SLC9A9: variants seen among roughly 807,000 people sequenced by gnomAD.
The protein encoded by SLC9A9 is solute carrier family 9 member A9, also known as sodium/hydrogen exchanger 9.
A neutral mutation model predicts 77.8 loss-of-function variants in SLC9A9; 62 were observed. The ratio of observed to expected loss-of-function variants is 0.80; its 90% CI spans 0.65 to 0.98. The LOEUF (loss-of-function observed/expected upper bound fraction) is 0.98, where lower values mean the gene tolerates loss of function less well. SLC9A9 is among the 50% of genes least tolerant of loss of function. The probability of loss-of-function intolerance (pLI) is 0.00; values close to 1 mark genes in which losing one functional copy is unlikely to be tolerated. For missense variants in SLC9A9, 775 were observed against 774.9 expected (o/e 1.00, Z 0.00); for synonymous variants, 320 against 283.5 (o/e 1.13, Z -1.29).
At chr3:143,739,132 G>A (rs1045315018) in intron 4 of SLC9A9, among the ~76,000 whole-genome samples, 2 of 152,064 alleles carry the variant, frequency 1.3e-5, no homozygotes, top group Non-Finnish European at 2.9e-5. Flanking sequence ...TCATGCCTTT[G>A]TCTTTCTGAA....
At position 143,828,298 on chromosome 3, in the gene SLC9A9, G is replaced by T. The variant is rs138292635; in HGVS notation, c.378+3721C>A. ...ACTGTATGTTTCTCTAGCCATATGT[G>T]CTCTGCCAAGATCTCAGACTCATCA... On this transcript the variant is annotated intron_variant, in intron 2 of 15. Coordinates refer to ENST00000316549, the MANE Select transcript of SLC9A9 (RefSeq NM_173653.4). Among the ~76,000 whole-genome samples, 4 of 152,168 alleles carry T rather than the reference G, an allele frequency of 2.6e-5. No homozygotes were observed. In the East Asian group the frequency reaches 7.7e-4, roughly 29 times the overall value.
chr3:143,710,918 C>T (rs115702375), intron 4 of SLC9A9, among the ~76,000 whole-genome samples: 1,554 of 152,294 alleles, frequency 0.01, 32 homozygotes, highest in African/African-American at 0.036. Context: ...ATGCAACTCT[C>T]TGGATTTTCC....
chr3:143,694,962 C>T (rs980950447), intron 4 of SLC9A9, among the ~76,000 whole-genome samples: 1 of 152,010 alleles, frequency 6.6e-6, no homozygotes. Flanking sequence ...GAAGGGGAGG[C>T]TGAATCTTAA....
intron 14 of SLC9A9, among the ~76,000 whole-genome samples, chr3:143,278,480 T>A (rs181742265): frequency 6.6e-6 from 1 of 152,326 alleles, no homozygotes; most frequent in Non-Finnish European, 1.5e-5. Flanking sequence ...ACAAACTGAG[T>A]GACTTAAAAC....
chr3:143,319,105 A>G (rs1454857312), intron 14 of SLC9A9, among the ~76,000 whole-genome samples: 1 of 152,250 alleles, frequency 6.6e-6, no homozygotes, highest in Non-Finnish European at 1.5e-5. Context: ...AGTGGCAGCT[A>G]ATACAATAAA....
intron 2 of SLC9A9, among the ~76,000 whole-genome samples, chr3:143,798,031 G>A (rs1007071764): frequency 1.6e-4 from 24 of 152,080 alleles, no homozygotes; most frequent in Non-Finnish European, 2.4e-4. Flanking sequence ...ATCCACCTAC[G>A]ACCTCTGGTC....
chr3:143,566,844 A>G (rs1408332110), intron 8 of SLC9A9, among the ~76,000 whole-genome samples: 2 of 152,110 alleles, frequency 1.3e-5, no homozygotes, highest in Non-Finnish European at 2.9e-5. Context: ...GCTTCTGGCG[A>G]AAACCTGACC....
intron 11 of SLC9A9, among the ~76,000 whole-genome samples, chr3:143,469,698 G>C (rs938955931): frequency 2.0e-5 from 3 of 152,280 alleles, no homozygotes; most frequent in South Asian, 2.1e-4. Context: ...CGACTAGAGA[G>C]ACTTAATATG....
chr3:143,728,003 T>TTTC (rs1312490016), intron 4 of SLC9A9, among the ~76,000 whole-genome samples: 2 of 152,260 alleles, frequency 1.3e-5, no homozygotes, highest in Non-Finnish European at 2.9e-5. Context: ...CAGATTTTTA[T>TTTC]TTCTTCTTTA....
intron 6 of SLC9A9, among the ~76,000 whole-genome samples, chr3:143,622,468 G>C (rs1164159721): frequency 6.6e-6 from 1 of 152,134 alleles, no homozygotes; most frequent in Non-Finnish European, 1.5e-5. Flanking sequence ...ATTCAACATT[G>C]TTAAGGAAAA....
intron 9 of SLC9A9, among the ~76,000 whole-genome samples, chr3:143,512,521 T>A: frequency 6.6e-6 from 1 of 152,214 alleles, no homozygotes; most frequent in East Asian, 1.9e-4. Flanking sequence ...TCACAGTGTA[T>A]ATAAAAGTTA....
intron 9 of SLC9A9, among the ~76,000 whole-genome samples, chr3:143,522,403 T>C (rs1259422557): frequency 6.6e-6 from 1 of 152,156 alleles, no homozygotes; most frequent in Non-Finnish European, 1.5e-5. Flanking sequence ...GGATTTATGG[T>C]CTTTTTACAC....
At chr3:143,405,729 C>T (rs771190066) in intron 12 of SLC9A9, among the ~76,000 whole-genome samples, 26 of 152,102 alleles carry the variant, frequency 1.7e-4, no homozygotes, top group African/African-American at 6.0e-4. Flanking sequence ...AGCTCTCTGA[C>T]GGGGAACAGG....
chr3:143,546,812 A>G (rs2036799704), intron 9 of SLC9A9, among the ~76,000 whole-genome samples: 3 of 152,212 alleles, frequency 2.0e-5, no homozygotes, highest in Non-Finnish European at 4.4e-5. Flanking sequence ...CTTAAAAATA[A>G]AAAGATATTT....
intron 4 of SLC9A9, among the ~76,000 whole-genome samples, chr3:143,747,874 T>G (rs1411847281): frequency 6.6e-6 from 1 of 152,210 alleles, no homozygotes; most frequent in Non-Finnish European, 1.5e-5. Flanking sequence ...TAGACCTCCT[T>G]AGGAACTTTG....
At chr3:143,794,227 G>A (rs950416331) in intron 4 of SLC9A9, among the ~76,000 whole-genome samples, 2 of 152,156 alleles carry the variant, frequency 1.3e-5, no homozygotes, top group African/African-American at 4.8e-5. Context: ...CTTGTGCTGG[G>A]TTATAACAGC....
At chr3:143,709,791 A>G (rs1486095162) in intron 4 of SLC9A9, among the ~76,000 whole-genome samples, 1 of 152,220 alleles carries the variant, frequency 6.6e-6, no homozygotes, top group Non-Finnish European at 1.5e-5. Context: ...GTAGGAAATG[A>G]AAAAACGAGT....
intron 4 of SLC9A9, among the ~76,000 whole-genome samples, chr3:143,728,948 C>T (rs1215308190): frequency 6.6e-6 from 1 of 151,984 alleles, no homozygotes; most frequent in Non-Finnish European, 1.5e-5. Context: ...TTGACAATGT[C>T]TGAGCCTCTC....
intron 6 of SLC9A9, among the ~76,000 whole-genome samples, chr3:143,614,104 C>T (rs1467461070): frequency 6.6e-6 from 1 of 152,174 alleles, no homozygotes; most frequent in Non-Finnish European, 1.5e-5. Flanking sequence ...AGCAGAAACA[C>T]ATCATCTGAA....
Sources: gnomAD v4.1 joint callset for allele counts (sites outside exome capture counted in the v4.1 genomes callset) on GRCh38, gnomAD v4.1.1 for gene constraint, MANE v1.5 for transcripts, NCBI Gene and HGNC (gene_info 2026-07-23, HGNC 2026-07-21) for gene names.